UBE2E2: variants seen among roughly 807,000 people sequenced by gnomAD.
UBE2E2 encodes the protein ubiquitin-conjugating enzyme E2 E2.
A neutral mutation model predicts 24.7 loss-of-function variants in UBE2E2; 6 were observed. That is an observed-to-expected ratio of 0.24 (90% CI 0.13 to 0.48). The LOEUF (loss-of-function observed/expected upper bound fraction) is 0.48, where lower values mean the gene tolerates loss of function less well. Among genes scored for constraint, UBE2E2 ranks in the 20% least tolerant of loss-of-function variants. UBE2E2 has a pLI of 0.99. For synonymous variants in UBE2E2, 104 were observed against 83.6 expected, an observed-to-expected ratio of 1.24 and a Z score of -1.33; for missense variants, 169 against 245.0, an observed-to-expected ratio of 0.69 and a Z score of 2.07.
chr3:23,419,099 G>A (rs1371497098), intron 3 of UBE2E2, among the ~76,000 whole-genome samples: 2 of 152,110 alleles, frequency 1.3e-5, no homozygotes, highest in Non-Finnish European at 2.9e-5. Flanking sequence ...GACTATAGGT[G>A]TGTACTACCA....
At position 23,583,640 on chromosome 3, in the gene UBE2E2, C is replaced by T. The variant is rs1035423647; in HGVS notation, c.509-6094C>T. 1.3e-5 allele frequency among the ~76,000 whole-genome samples: 2 copies of T among 152,126 alleles called. No homozygotes were observed. The highest frequency in any genetic ancestry group is 4.8e-5 in the African/African-American group (2 of 41,440). On this transcript the variant is annotated intron_variant, in intron 5 of 5. Transcript: ENST00000396703. The surrounding 1 kb of genome is among the most constrained non-coding windows in gnomAD (Gnocchi z 4.1). ...TAATTCTCATTGTAAAGATCTTTCA[C>T]CTCCCTGGTTAGCTGTATTTTATTT...
chr3:23,343,025 A>G (rs990693990), intron 3 of UBE2E2, among the ~76,000 whole-genome samples: 1 of 152,160 alleles, frequency 6.6e-6, no homozygotes, highest in East Asian at 1.9e-4. Context: ...GTGGTCTGAC[A>G]TGAAAAACTC....
intron 3 of UBE2E2, among the ~76,000 whole-genome samples, chr3:23,398,421 T>G (rs1392144694): frequency 1.3e-5 from 2 of 152,172 alleles, no homozygotes; most frequent in East Asian, 3.8e-4. Context: ...TCTTGGTCTT[T>G]TTGCTCTGCC....
chr3:23,358,448 T>C (rs1696026824), intron 3 of UBE2E2, among the ~76,000 whole-genome samples: 1 of 152,234 alleles, frequency 6.6e-6, no homozygotes, highest in South Asian at 2.1e-4. Context: ...CACAATAAAA[T>C]GTTCTATATA....
intron 3 of UBE2E2, among the ~76,000 whole-genome samples, chr3:23,268,658 C>T (rs1698132734): frequency 6.7e-6 from 1 of 148,592 alleles, no homozygotes; most frequent in South Asian, 2.2e-4. Flanking sequence ...ATGCCATCCC[C>T]ATCAAGCTAC....
chr3:23,392,991 G>A (rs1478045544), intron 3 of UBE2E2, among the ~76,000 whole-genome samples: 1 of 152,154 alleles, frequency 6.6e-6, no homozygotes, highest in African/African-American at 2.4e-5. Flanking sequence ...CAGAAGTGGC[G>A]ATGGAGGCCA....
chr3:23,358,544 G>C (rs1458692366), intron 3 of UBE2E2, among the ~76,000 whole-genome samples: 1 of 152,118 alleles, frequency 6.6e-6, no homozygotes, highest in African/African-American at 2.4e-5. Context: ...AAACTGAGCT[G>C]ATAGTTGAGA....
chr3:23,580,845 AT>A (rs1430255139), intron 5 of UBE2E2, among the ~76,000 whole-genome samples: 5 of 152,148 alleles, frequency 3.3e-5, no homozygotes, highest in Admixed American at 6.5e-5. Flanking sequence ...AGCAGGGCTT[AT>A]TTTTTTATTG....
chr3:23,469,584 A>G (rs534924100), intron 3 of UBE2E2, among the ~76,000 whole-genome samples: 4 of 152,338 alleles, frequency 2.6e-5, no homozygotes, highest in Admixed American at 1.3e-4. Context: ...CTTAAATGAT[A>G]AAGTATCTCA....
chr3:23,252,702 G>A (rs1478610322), intron 3 of UBE2E2, among the ~76,000 whole-genome samples: 1 of 152,082 alleles, frequency 6.6e-6, no homozygotes, highest in Non-Finnish European at 1.5e-5. Flanking sequence ...TCACCATGTT[G>A]CTCAGTCTGG....
intron 3 of UBE2E2, among the ~76,000 whole-genome samples, chr3:23,257,419 C>T (rs1434648929): frequency 7.0e-6 from 1 of 143,512 alleles, no homozygotes; most frequent in East Asian, 2.1e-4. Context: ...TGGAGGTCTG[C>T]AACAAAATAG....
intron 3 of UBE2E2, among the ~76,000 whole-genome samples, chr3:23,493,769 T>A (rs941354052): frequency 5.9e-5 from 9 of 152,220 alleles, no homozygotes; most frequent in African/African-American, 1.9e-4. Flanking sequence ...AATCATTATT[T>A]TTTTTTGATG....
At chr3:23,296,360 G>A (rs1254277023) in intron 3 of UBE2E2, among the ~76,000 whole-genome samples, 4 of 151,254 alleles carry the variant, frequency 2.6e-5, no homozygotes, top group African/African-American at 7.3e-5. Context: ...ACATGTGCAC[G>A]ACGTGCAGGT....
At chr3:23,498,796 A>T (rs1559403449) in intron 3 of UBE2E2, among the ~76,000 whole-genome samples, 1 of 152,184 alleles carries the variant, frequency 6.6e-6, no homozygotes, top group Non-Finnish European at 1.5e-5. Context: ...GGATTAGCTA[A>T]ATCCTAATCT....
At chr3:23,454,666 TATATGAGAAATAATACGTGA>T (rs1316830142) in intron 3 of UBE2E2, among the ~76,000 whole-genome samples, 1 of 152,236 alleles carries the variant, frequency 6.6e-6, no homozygotes, top group Non-Finnish European at 1.5e-5. Context: ...TGGGTATGCC[TATATGAGAAATAATACGTGA>T]ATATGCACCT....
chr3:23,364,985 G>A (rs770701570), intron 3 of UBE2E2, among the ~76,000 whole-genome samples: 39 of 152,268 alleles, frequency 2.6e-4, no homozygotes, highest in Admixed American at 9.2e-4. Flanking sequence ...ATCAATAAAT[G>A]TGATTTGCCA....
rs1430670890 is a variant in UBE2E2 at position 23,257,455 on chromosome 3, ATTGCTTTATCTT to A, written c.227+40144_227+40155del. ...ATGTACTTAAGCAAGATGAAGCTCCATTGCTTTATCTTGCTTAAGACGGGTTTAATAGGAATT... is the reference window on the plus strand; with the variant it reads ...ATGTACTTAAGCAAGATGAAGCTCCAGCTTAAGACGGGTTTAATAGGAATT... On this transcript the variant is annotated intron_variant, in intron 3 of 5. Transcript: ENST00000396703. Among the ~76,000 whole-genome samples, 15 of 127,200 alleles carry A rather than the reference ATTGCTTTATCTT, an allele frequency of 1.2e-4. No individual in the cohort carries two copies. In the East Asian group the frequency reaches 3.6e-3, roughly 31 times the overall value. The allele number at this position is 127,200 out of a possible 152,430, so 83.4% of individuals were successfully genotyped here.
intron 3 of UBE2E2, among the ~76,000 whole-genome samples, chr3:23,337,723 A>G (rs1016922102): frequency 1.3e-5 from 2 of 152,196 alleles, no homozygotes; most frequent in African/African-American, 4.8e-5. Flanking sequence ...GAAGAATTCA[A>G]AAAGGTTAAT....
chr3:23,567,064 A>G (rs1345605415), intron 5 of UBE2E2, among the ~76,000 whole-genome samples: 1 of 152,212 alleles, frequency 6.6e-6, no homozygotes, highest in African/African-American at 2.4e-5. Context: ...GATGCATTCT[A>G]GGATCAGTGA....
Sources: allele counts gnomAD v4.1 joint callset (sites outside exome capture counted in the v4.1 genomes callset), GRCh38; gene constraint gnomAD v4.1.1; non-coding constraint Gnocchi (gnomAD v3.1); transcripts MANE v1.5; gene names NCBI Gene and HGNC (gene_info 2026-07-23, HGNC 2026-07-21).